The following FIRRM variants were observed in gnomAD, a reference collection of about 807,000 sequenced individuals.
FIRRM encodes the protein FIGNL1-interacting regulator of recombination and mitosis.
chr1:169,829,267 T>C, the FIRRM span: 4 of 1,569,448 alleles, frequency 2.5e-6, no homozygotes, highest in Admixed American at 5.9e-5. Context: ...CTGCAGGATA[T>C]CTCTACTCAA....
chr1:169,819,977 G>A, the FIRRM span, among the ~76,000 whole-genome samples: 1 of 152,184 alleles, frequency 6.6e-6, no homozygotes, highest in Non-Finnish European at 1.5e-5. Flanking sequence ...GGAGCCCAGA[G>A]CAGCCAATTT....
the FIRRM span, chr1:169,794,681 T>A: frequency 1.8e-5 from 3 of 164,014 alleles, no homozygotes; most frequent in Admixed American, 1.8e-4. Context: ...GGAACGCGCC[T>A]CTTTCCTCTC....
At chr1:169,834,808 C>T in the FIRRM span, among the ~76,000 whole-genome samples, 1 of 152,194 alleles carries the variant, frequency 6.6e-6, no homozygotes, top group East Asian at 1.9e-4. Context: ...GGCACTATCT[C>T]ATGATATCTT....
chr1:169,795,025 G>T, the FIRRM span: 1 of 1,139,122 alleles, frequency 8.8e-7, no homozygotes, highest in African/African-American at 1.5e-5. Flanking sequence ...CGGAGAGCGC[G>T]CAAGGGTTGG....
the FIRRM span, among the ~76,000 whole-genome samples, chr1:169,815,150 G>T: frequency 6.6e-6 from 1 of 151,814 alleles, no homozygotes; most frequent in African/African-American, 2.4e-5. Flanking sequence ...ACAAAAATTA[G>T]CTGGGCACAG....
chr1:169,810,834 A>ATTTTTTTTTTTTTTTTTTT, the FIRRM span, among the ~76,000 whole-genome samples: 13 of 61,208 alleles, frequency 2.1e-4, 3 homozygotes, highest in East Asian at 5.5e-4. Context: ...TTAGCCCCCA[A>ATTTTTTTTTTTTTTTTTTT]TTTTTTTTTT....
At chr1:169,821,492 A>G in the FIRRM span, among the ~76,000 whole-genome samples, 1 of 152,018 alleles carries the variant, frequency 6.6e-6, no homozygotes, top group African/African-American at 2.4e-5. Flanking sequence ...CTCTGTTGTC[A>G]TTTGTTATTT....
At chr1:169,850,218 A>C in the FIRRM span, 1 of 1,279,354 alleles carries the variant, frequency 7.8e-7, no homozygotes, top group South Asian at 1.2e-5. Context: ...TGTCTTTGCA[A>C]GTTGTTGAAA....
At chr1:169,827,910 G>T in the FIRRM span, 1 of 1,515,870 alleles carries the variant, frequency 6.6e-7, no homozygotes, top group Non-Finnish European at 8.9e-7. Flanking sequence ...GAATGGTCTT[G>T]AAATTAAGTT....
chr1:169,832,612 A>T, the FIRRM span: 2 of 827,788 alleles, frequency 2.4e-6, no homozygotes, highest in Non-Finnish European at 3.9e-6. Flanking sequence ...TTATCTTATT[A>T]TTTTTTTTGA....
At chr1:169,797,636 C>T in the FIRRM span, among the ~76,000 whole-genome samples, 1 of 152,174 alleles carries the variant, frequency 6.6e-6, no homozygotes, top group African/African-American at 2.4e-5. Flanking sequence ...CTCACAGCAG[C>T]CAGGTTCAAG....
the FIRRM span, chr1:169,795,835 G>A: frequency 1.1e-6 from 1 of 877,690 alleles, no homozygotes; most frequent in South Asian, 5.8e-5. Flanking sequence ...CCAGGCTGGA[G>A]TCTTTCTGAA....
At chr1:169,853,853 A>C in the FIRRM span, 15 of 1,489,848 alleles carry the variant, frequency 1.0e-5, no homozygotes, top group Middle Eastern at 1.7e-4. Context: ...AAAAGCAGGA[A>C]TTTAAAATTT....
At chr1:169,805,640 T>C in the FIRRM span, among the ~76,000 whole-genome samples, 1 of 152,192 alleles carries the variant, frequency 6.6e-6, no homozygotes, top group Non-Finnish European at 1.5e-5. Flanking sequence ...TTAATTTGAA[T>C]TCTTCCTTTT....
At chr1:169,795,187 C>G in the FIRRM span, 2 of 1,535,996 alleles carry the variant, frequency 1.3e-6, no homozygotes, top group Non-Finnish European at 8.7e-7. Context: ...CCGCCGGGAA[C>G]TGCCGTCCGT....
the FIRRM span, chr1:169,823,393 G>A: frequency 1.3e-6 from 2 of 1,559,796 alleles, no homozygotes; most frequent in South Asian, 2.3e-5. Context: ...AATGAATAGA[G>A]TTGTTTTATT....
At chr1:169,803,235 A>G in the FIRRM span, 1 of 1,614,034 alleles carries the variant, frequency 6.2e-7, no homozygotes, top group Non-Finnish European at 8.5e-7. Flanking sequence ...ACAGGAATCC[A>G]TCATTTTGGA....
chr1:169,853,104 C>CT, the FIRRM span: 2 of 926,876 alleles, frequency 2.2e-6, no homozygotes, highest in Non-Finnish European at 3.3e-6. Flanking sequence ...TGAAAATAAT[C>CT]TTTATTTGAC....
chr1:169,811,739 GACAGATTATCTAAATAGA>G, the FIRRM span, among the ~76,000 whole-genome samples: 3 of 149,976 alleles, frequency 2.0e-5, no homozygotes, highest in African/African-American at 7.4e-5. Flanking sequence ...ATAGATAATA[GACAGATTATCTAAATAGA>G]TAATAGACAG....
Sources: allele counts gnomAD v4.1 joint callset (sites outside exome capture counted in the v4.1 genomes callset), GRCh38; gene constraint gnomAD v4.1.1; transcripts MANE v1.5; gene names NCBI Gene and HGNC (gene_info 2026-07-23, HGNC 2026-07-21).